Variants in PATZ1 observed in about 807,000 individuals in gnomAD.
PATZ1 encodes POZ/BTB and AT hook containing zinc finger 1, also known as POZ-, AT hook-, and zinc finger-containing protein 1.
In PATZ1, 9 loss-of-function variants were observed where a neutral mutation model predicts 46.2. The ratio of observed to expected loss-of-function variants is 0.19; its 90% confidence interval spans 0.12 to 0.34. The LOEUF (loss-of-function observed/expected upper bound fraction) is 0.34, where lower values mean the gene tolerates loss of function less well. PATZ1 is among the 10% of genes least tolerant of loss of function. The pLI is 1.00. For synonymous variants in PATZ1, 426 were observed against 378.6 expected (o/e 1.13, Z -1.45); for missense variants, 632 against 923.0 (o/e 0.68, Z 4.08).
intron 2 of PATZ1, among the ~76,000 whole-genome samples, chr22:31,339,619 G>C (rs1485725993): frequency 6.6e-6 from 1 of 152,254 alleles, no homozygotes; most frequent in Admixed American, 6.5e-5. Flanking sequence ...GCCAGAGGCA[G>C]AATGCTTTGA....
Position 31,327,417 on chromosome 22 carries a change from G to T in PATZ1, c.1646-108C>A, listed in dbSNP as rs940452847. On this transcript the variant is annotated intron_variant, in intron 4 of 4. Transcript: ENST00000266269. This position sits in a 1 kb window ranked among gnomAD's most constrained non-coding sequence, Gnocchi z 4.2. ...CACAGACCTGTGGAGGGCAGCCATT[G>T]GCCAGCCACTGCCCTGGCAGAACCC... 5.4e-6 allele frequency: 5 copies of T among 925,886 alleles called. No individual in the cohort carries two copies. The East Asian group carries it at 7.4e-5, about 14-fold the overall frequency. The allele number at this position is 925,886 out of a possible 1,614,324, so 57.4% of individuals were successfully genotyped here. A position where few individuals can be genotyped will look rare whatever the true frequency, so the allele number is the denominator to read the frequency against.
At chr22:31,341,677 C>A in intron 2 of PATZ1, 1 of 1,607,822 alleles carries the variant, frequency 6.2e-7, no homozygotes, top group Non-Finnish European at 8.5e-7. Context: ...CTGCTCCCAA[C>A]CCACACCTGG....
chr22:31,344,167 C>T (rs1271467535), intron 1 of PATZ1, among the ~76,000 whole-genome samples, 165 bp downstream of exon 1: 1 of 152,206 alleles, frequency 6.6e-6, no homozygotes, highest in East Asian at 1.9e-4. Context: ...AGGTCTCAGG[C>T]ATACCATCTC....
Position 31,327,726 on chromosome 22 carries a change from C to A in PATZ1, c.1646-417G>T, listed in dbSNP as rs2049385526. Among the ~76,000 whole-genome samples the A allele has an allele frequency of 6.6e-6, 1 of 152,114 alleles. No individual in the cohort carries two copies. Among genetic ancestry groups the A allele is most frequent in the Admixed American group, 6.5e-5 (1 of 15,268 alleles). On this transcript the variant is annotated intron_variant, in intron 4 of 4. Transcript: ENST00000266269. This position sits in a 1 kb window ranked among gnomAD's most constrained non-coding sequence, Gnocchi z 4.2. ...CCGAGCCAGTGTAATAGTAGCCTCGCCTCCTGCACCAGACTAGCTGCACCC... is the reference window on the plus strand; with the variant it reads ...CCGAGCCAGTGTAATAGTAGCCTCGACTCCTGCACCAGACTAGCTGCACCC...
intron 2 of PATZ1, among the ~76,000 whole-genome samples, chr22:31,338,659 GC>G (rs373326691): frequency 7.2e-5 from 11 of 152,316 alleles, no homozygotes; most frequent in African/African-American, 2.6e-4. Flanking sequence ...AGCTAGCTTT[GC>G]CAGGCAGCGA....
At chr22:31,338,073 A>C (rs1434341635) in intron 2 of PATZ1, 1 of 152,368 alleles carries the variant, frequency 6.6e-6, no homozygotes, top group Middle Eastern at 3.3e-3. Flanking sequence ...CAGTGTATTC[A>C]TATCATAAAT....
chr22:31,327,143 C>A lies in PATZ1; in HGVS notation c.1812G>T (p.Lys604Asn). The change falls in exon 5 of 5, where the codon AAG (lysine) becomes AAT (asparagine). Residue 604 changes from lysine to asparagine, a missense_variant. Coordinates refer to ENST00000266269, the MANE Select transcript of PATZ1 (RefSeq NM_014323.3). The surrounding 1 kb of genome is among the most constrained non-coding windows in gnomAD (Gnocchi z 4.2). ...AGCTCCCACATTCAGGGCATGGGTA[C>A]TTCTTCTCCCCATCAGACTCCATTT... ...KNKMESDGEK[K>N]YPCPECGSFF... 1.9e-6 allele frequency: 3 copies of A among 1,614,164 alleles called. No individual in the cohort carries two copies. The highest frequency in any genetic ancestry group is 2.5e-6 in the Non-Finnish European group (3 of 1,180,014).
chr22:31,330,649 T>C (rs2049430068), intron 3 of PATZ1, among the ~76,000 whole-genome samples: 1 of 152,222 alleles, frequency 6.6e-6, no homozygotes, highest in Non-Finnish European at 1.5e-5. Context: ...ATGCCTCATG[T>C]TCCATTATTG....
chr22:31,337,168 G>T (rs147541409), intron 2 of PATZ1, among the ~76,000 whole-genome samples: 10 of 152,198 alleles, frequency 6.6e-5, no homozygotes, highest in African/African-American at 2.2e-4. Flanking sequence ...CAGCAAGGAT[G>T]ATGATACTAC....
chr22:31,326,128 A>C lies in PATZ1; in HGVS notation c.*763T>G, dbSNP rs776362136. 76 of 222,566 alleles carry C rather than the reference A, an allele frequency of 3.4e-4. 1 individual carries two copies. The highest frequency in any genetic ancestry group is 9.0e-5 in the Non-Finnish European group (10 of 111,182). 13.8% of individuals were successfully genotyped at this position (222,566 alleles called of 1,614,324 possible). On this transcript the variant is annotated 3_prime_UTR_variant, in exon 5 of 5. Coordinates refer to ENST00000266269, the MANE Select transcript of PATZ1 (RefSeq NM_014323.3). ...CAAAGAGCTCTGTATCACCTGGGAT[A>C]GCTTTCAGTAGCAATTCACTACAAC...
chr22:31,335,665 G>A, intron 3 of PATZ1, 27 bp downstream of exon 3: 1 of 1,606,872 alleles, frequency 6.2e-7, no homozygotes, highest in Non-Finnish European at 8.5e-7. Flanking sequence ...CCATCCTCTG[G>A]AAGTGAGGAA....
intron 3 of PATZ1, among the ~76,000 whole-genome samples, chr22:31,331,595 G>A (rs2049444722): frequency 6.6e-6 from 1 of 152,054 alleles, no homozygotes. Context: ...ACCCGCCTCG[G>A]CCTCCCAAAG....
At chr22:31,335,038 C>G (rs1458108057) in intron 3 of PATZ1, among the ~76,000 whole-genome samples, 1 of 152,168 alleles carries the variant, frequency 6.6e-6, no homozygotes, top group Non-Finnish European at 1.5e-5. Flanking sequence ...CTAGACCCGG[C>G]AGAACCTTGG....
Position 31,328,688 on chromosome 22 carries a change from C to A in PATZ1, c.1645+99G>T. On this transcript the variant is annotated intron_variant, in intron 4 of 4. Coordinates refer to ENST00000266269, the MANE Select transcript of PATZ1 (RefSeq NM_014323.3). The surrounding 1 kb of genome is among the most constrained non-coding windows in gnomAD (Gnocchi z 4.8). The stretch of plus-strand genomic sequence containing the variant: ...GATCTCTGAGTCTCCTCAAGGCAGC[C>A]AGAAAGCCGGCAGCCTTCCCGCCTC... 1 of 1,116,078 alleles carries A rather than the reference C, an allele frequency of 9.0e-7. No individual in the cohort carries two copies. 69.1% of individuals were successfully genotyped at this position (1,116,078 alleles called of 1,614,324 possible). A position where few individuals can be genotyped will look rare whatever the true frequency, so the allele number is the denominator to read the frequency against.
rs975152841 is a variant in PATZ1 at position 31,345,658 on chromosome 22, C to T, written c.-56G>A. 6.7e-7 allele frequency: 1 copy of T among 1,484,448 alleles called. No homozygotes were observed. 92.0% of individuals were successfully genotyped at this position (1,484,448 alleles called of 1,614,324 possible). A position where few individuals can be genotyped will look rare whatever the true frequency, so the allele number is the denominator to read the frequency against. On this transcript the variant is annotated 5_prime_UTR_variant, in exon 1 of 5. Transcript: ENST00000266269. This position sits in a 1 kb window ranked among gnomAD's most constrained non-coding sequence, Gnocchi z 7.4. ...CTGCACCTGCCCGCCCCCTCCCTTC[C>T]CCTCAGCAGCGAGAAGCGGGGCGCA...
intron 2 of PATZ1, chr22:31,341,518 C>T: frequency 2.5e-6 from 4 of 1,613,970 alleles, no homozygotes; most frequent in Non-Finnish European, 3.4e-6. Flanking sequence ...TGTGCTGGGC[C>T]CAGGTTTTCA....
At chr22:31,338,059 T>C (rs1285889647) in intron 2 of PATZ1, 1 of 152,242 alleles carries the variant, frequency 6.6e-6, no homozygotes. Flanking sequence ...CTGTTTTATA[T>C]ATTCAGTGTA....
At position 31,346,045 on chromosome 22, in the gene PATZ1, G is replaced by A. The variant is rs2049653480; in HGVS notation, c.-443C>T. On this transcript the variant is annotated 5_prime_UTR_variant, in exon 1 of 5. Coordinates refer to ENST00000266269, the MANE Select transcript of PATZ1 (RefSeq NM_014323.3). ...CGCGCAGGCGCGCGCGCGCGCCGCGGCTTTTCCCGGGCCCGCTGGGGGCGC... is the reference window on the plus strand; with the variant it reads ...CGCGCAGGCGCGCGCGCGCGCCGCGACTTTTCCCGGGCCCGCTGGGGGCGC... 1 of 167,278 alleles carries A rather than the reference G, an allele frequency of 6.0e-6. No homozygotes were observed. Among genetic ancestry groups the A allele is most frequent in the Non-Finnish European group, 1.3e-5 (1 of 76,972 alleles). The allele number at this position is 167,278 out of a possible 1,614,324, so 10.4% of individuals were successfully genotyped here.
In PATZ1 at chr22:31,327,048, A is replaced by G. The variant is rs563070496; in HGVS notation, c.1907T>C (p.Leu636Pro). The change falls in exon 5 of 5, where the codon CTG becomes CCG. Residue 636 changes from leucine to proline, a missense_variant. Physicochemically the swap from Leu to Pro is moderately conservative, Grantham distance 98. This residue lies in a region of PATZ1 where 176 missense variants were observed against 249.4 expected (regional missense o/e 0.71). Transcript: ENST00000266269. This position sits in a 1 kb window ranked among gnomAD's most constrained non-coding sequence, Gnocchi z 4.2. ...GCCAAGGGCAGGGCCCAGGTCCCCC[A>G]GGGGGCCCCCGAGAGCCCGGACATG... ...KVHVRALGGP[L>P]GDLGPALGSP... 1.9e-6 allele frequency: 3 copies of G among 1,614,052 alleles called. No homozygotes were observed. Among genetic ancestry groups the G allele is most frequent in the Admixed American group, 3.3e-5 (2 of 60,022 alleles).
Sources: allele counts gnomAD v4.1 joint callset (sites outside exome capture counted in the v4.1 genomes callset), GRCh38; gene constraint gnomAD v4.1.1; regional missense constraint gnomAD v4.1.1; non-coding constraint Gnocchi (gnomAD v3.1); transcripts MANE v1.5; gene names NCBI Gene and HGNC (gene_info 2026-07-23, HGNC 2026-07-21).